The following RNF111 variants were observed in gnomAD, a reference collection of about 807,000 sequenced individuals.
RNF111 encodes the protein ring finger protein 111.
Under a neutral mutation model 95.1 loss-of-function variants are expected in RNF111, and 17 were observed. That is an observed-to-expected ratio of 0.18 (90% CI 0.12 to 0.27). The LOEUF (loss-of-function observed/expected upper bound fraction) is 0.27. Among genes scored for constraint, RNF111 ranks in the 10% least tolerant of loss-of-function variants. The pLI is 1.00. For missense variants in RNF111, 1,189 were observed against 1,210.4 expected (o/e 0.98, Z 0.26); for synonymous variants, 440 against 414.8 (o/e 1.06, Z -0.74).
At chr15:59,057,350 C>T (rs1317048068) in intron 4 of RNF111, among the ~76,000 whole-genome samples, 1 of 152,134 alleles carries the variant, frequency 6.6e-6, no homozygotes, top group African/African-American at 2.4e-5. Flanking sequence ...TTTGCATATA[C>T]AAGCATTTGG....
chr15:59,030,099 A>G (rs1320553626), intron 1 of RNF111, among the ~76,000 whole-genome samples: 2 of 152,218 alleles, frequency 1.3e-5, no homozygotes, highest in African/African-American at 4.8e-5. Flanking sequence ...TGATTTAGAT[A>G]GATTAGCTGT....
intron 2 of RNF111, among the ~76,000 whole-genome samples, chr15:59,043,357 A>G (rs1424356240): frequency 1.3e-5 from 2 of 152,144 alleles, no homozygotes; most frequent in East Asian, 1.9e-4. Flanking sequence ...GGTTTTCACC[A>G]TGTTGGCCAG....
chr15:59,084,397 C>A lies in RNF111; in HGVS notation c.2423+143C>A, dbSNP rs1056197563. On this transcript the variant is annotated intron_variant, in intron 9 of 13. Coordinates refer to ENST00000348370, the MANE Select transcript of RNF111 (RefSeq NM_017610.8). ...GTTTAACTGAGACACTGCCTCTGGG[C>A]AGATAGAGGTTTGGAGAGGAAAGAA... The A allele has an allele frequency of 2.0e-5, 15 of 762,578 alleles. No homozygotes were observed. In the South Asian group the frequency reaches 5.2e-4, roughly 26 times the overall value. 47.2% of individuals were successfully genotyped at this position (762,578 alleles called of 1,614,324 possible).
chr15:58,992,466 G>T (rs1453893544), intron 1 of RNF111, among the ~76,000 whole-genome samples: 1 of 152,106 alleles, frequency 6.6e-6, no homozygotes, highest in Non-Finnish European at 1.5e-5. Context: ...TGGGTACATG[G>T]GTATTAATAA....
chr15:59,073,511 C>A (rs192454020), intron 6 of RNF111, among the ~76,000 whole-genome samples: 17 of 151,858 alleles, frequency 1.1e-4, no homozygotes, highest in Middle Eastern at 3.4e-3. Flanking sequence ...AAACTACTTT[C>A]TTTGCTCCTC....
chr15:59,052,155 C>G, intron 2 of RNF111, 150 bp from the exon 3 acceptor site: 1 of 607,168 alleles, frequency 1.6e-6, no homozygotes, highest in Non-Finnish European at 2.7e-6. Flanking sequence ...GTTTTTTGTT[C>G]CTTGTGTATT....
intron 1 of RNF111, among the ~76,000 whole-genome samples, chr15:58,998,425 A>G (rs1308585547): frequency 6.6e-6 from 1 of 152,078 alleles, no homozygotes; most frequent in African/African-American, 2.4e-5. Flanking sequence ...GAAAGATTAC[A>G]GTGAGTGTTC....
intron 1 of RNF111, among the ~76,000 whole-genome samples, chr15:59,020,341 T>C (rs1272380390): frequency 1.3e-5 from 2 of 151,892 alleles, no homozygotes; most frequent in Non-Finnish European, 2.9e-5. Flanking sequence ...TCTTATTTAG[T>C]ATACATTTCA....
chr15:59,067,328 T>C (rs976635990), intron 6 of RNF111, among the ~76,000 whole-genome samples: 3 of 150,666 alleles, frequency 2.0e-5, no homozygotes, highest in Admixed American at 6.6e-5. Context: ...CTCTTCCCCT[T>C]CATTCCTTCC....
chr15:59,091,476 A>G (rs1483380718), intron 12 of RNF111, among the ~76,000 whole-genome samples: 1 of 152,196 alleles, frequency 6.6e-6, no homozygotes, highest in Non-Finnish European at 1.5e-5. Flanking sequence ...TGATTACCAC[A>G]TAGTTTGCAG....
chr15:58,999,982 C>T (rs183221399), intron 1 of RNF111, among the ~76,000 whole-genome samples: 399 of 152,140 alleles, frequency 2.6e-3, no homozygotes, highest in Non-Finnish European at 4.3e-3. Context: ...TGGTGCTGAA[C>T]CATTAGAAAT....
intron 6 of RNF111, among the ~76,000 whole-genome samples, chr15:59,070,377 T>C (rs2042865437): frequency 6.6e-6 from 1 of 152,192 alleles, no homozygotes; most frequent in Non-Finnish European, 1.5e-5. Flanking sequence ...GGAATTACTT[T>C]ACTCTGGGAA....
Position 59,031,038 on chromosome 15 carries a change from A to T in RNF111, c.216A>T (p.Gln72His). The T allele has an allele frequency of 6.2e-7, 1 of 1,614,258 alleles. No homozygotes were observed. ...NEFSHLCDDS[Q>H]KQEKEMNGNQ... Reference sequence around the variant, plus strand: ...TCTCTCACCTGTGTGATGATTCTCAAAAGCAAGAGAAGGAAATGAATGGTA... The same window carrying T: ...TCTCTCACCTGTGTGATGATTCTCATAAGCAAGAGAAGGAAATGAATGGTA... Residue 72 changes from glutamine to histidine, a missense_variant, in exon 2 of 14, where the codon CAA becomes CAT. Gln to His is a conservative substitution (Grantham distance 24). Coordinates refer to ENST00000348370, the MANE Select transcript of RNF111 (RefSeq NM_017610.8).
chr15:59,058,223 C>A, intron 4 of RNF111, 133 bp from the exon 5 acceptor site: 3 of 700,720 alleles, frequency 4.3e-6, no homozygotes, highest in Non-Finnish European at 6.8e-6. Context: ...GCTTTCTTTA[C>A]CAAATGTTAT....
intron 1 of RNF111, among the ~76,000 whole-genome samples, chr15:59,010,144 A>G (rs1258264001): frequency 6.6e-6 from 1 of 152,188 alleles, no homozygotes; most frequent in African/African-American, 2.4e-5. Context: ...GTTATCGGCA[A>G]ATTTTTAATT....
chr15:59,073,836 G>A (rs2043051330), intron 6 of RNF111, among the ~76,000 whole-genome samples: 1 of 152,124 alleles, frequency 6.6e-6, no homozygotes, highest in Non-Finnish European at 1.5e-5. Flanking sequence ...GGCAGCTATA[G>A]CCTTATGAAA....
At chr15:59,055,523 T>TAGGTGGTGATTCATTCAGCAA (rs1555395415) in intron 3 of RNF111, among the ~76,000 whole-genome samples, 159 bp from the exon 4 acceptor site, 8 of 151,680 alleles carry the variant, frequency 5.3e-5, no homozygotes, top group African/African-American at 1.9e-4. Flanking sequence ...TTAGGTCAAT[T>TAGGTGGTGATTCATTCAGCAA]AGTTTACCGA....
intron 11 of RNF111, among the ~76,000 whole-genome samples, chr15:59,090,646 A>G (rs1164719840): frequency 2.0e-5 from 3 of 152,244 alleles, no homozygotes; most frequent in African/African-American, 7.2e-5. Context: ...ACATACATAC[A>G]TACTGACTTA....
chr15:59,036,045 C>A (rs1358584725), intron 2 of RNF111, among the ~76,000 whole-genome samples: 1 of 152,110 alleles, frequency 6.6e-6, no homozygotes, highest in Non-Finnish European at 1.5e-5. Flanking sequence ...TAAAGACATA[C>A]CCGAGACTGG....
Sources: allele counts gnomAD v4.1 joint callset (sites outside exome capture counted in the v4.1 genomes callset), GRCh38; gene constraint gnomAD v4.1.1; transcripts MANE v1.5; gene names NCBI Gene and HGNC (gene_info 2026-07-23, HGNC 2026-07-21).